CCBE1: variants seen among roughly 807,000 people sequenced by gnomAD.
The protein encoded by CCBE1 is collagen and calcium binding EGF domains 1.
CCBE1 carries 37 observed loss-of-function variants against 50.0 expected under a neutral mutation model. The observed-to-expected ratio is 0.74, with a 90% CI of 0.57 to 0.97. The LOEUF is 0.97. Among genes scored for constraint, CCBE1 ranks in the 50% least tolerant of loss-of-function variants. The pLI is 0.00. For missense variants in CCBE1, 538 were observed against 523.8 expected (o/e 1.03, Z -0.26); for synonymous variants, 234 against 203.7 (o/e 1.15, Z -1.27).
chr18:59,561,875 G>C (rs1347787085), intron 2 of CCBE1, among the ~76,000 whole-genome samples: 4 of 152,156 alleles, frequency 2.6e-5, no homozygotes, highest in Non-Finnish European at 5.9e-5. Flanking sequence ...GTAAGCTCCT[G>C]CTGAGAAAGC....
chr18:59,512,873 C>T (rs994337997), intron 2 of CCBE1, among the ~76,000 whole-genome samples: 1 of 152,220 alleles, frequency 6.6e-6, no homozygotes, highest in Non-Finnish European at 1.5e-5. Context: ...TTACCTCCCA[C>T]TCAGAGCCCA....
At chr18:59,522,766 T>G (rs8097833) in intron 2 of CCBE1, among the ~76,000 whole-genome samples, 44,366 of 151,576 alleles carry the variant, frequency 0.29, 8,362 homozygotes, top group African/African-American at 0.54. Context: ...GAGGCGGGCG[T>G]ATCATGAGGT....
At chr18:59,641,138 C>G (rs2053983570) in intron 2 of CCBE1, among the ~76,000 whole-genome samples, 1 of 152,160 alleles carries the variant, frequency 6.6e-6, no homozygotes, top group Admixed American at 6.5e-5. Flanking sequence ...AAAAAACATT[C>G]TACCATAAAA....
chr18:59,606,301 G>T (rs569252285), intron 2 of CCBE1, among the ~76,000 whole-genome samples: 54 of 152,296 alleles, frequency 3.5e-4, no homozygotes, highest in African/African-American at 1.3e-3. Context: ...AGGACACAGT[G>T]ACCCTTTCAG....
chr18:59,660,281 G>A (rs1025276644), intron 2 of CCBE1, among the ~76,000 whole-genome samples: 4 of 152,150 alleles, frequency 2.6e-5, no homozygotes, highest in Non-Finnish European at 5.9e-5. Context: ...ATAAAAATAA[G>A]TAAGCAAATG....
intron 2 of CCBE1, among the ~76,000 whole-genome samples, chr18:59,671,654 T>C (rs753115729): frequency 2.0e-5 from 3 of 151,638 alleles, no homozygotes; most frequent in Non-Finnish European, 4.4e-5. Flanking sequence ...CAGAGCTCAA[T>C]AGGAAGAGAT....
rs967121612 is a variant in CCBE1, at chr18:59,652,669, A to T, written c.212+43960T>A. 3.3e-5 allele frequency among the ~76,000 whole-genome samples: 5 copies of T among 152,200 alleles called. No homozygotes were observed. The East Asian group carries it at 9.6e-4, about 29-fold the overall frequency. The stretch of plus-strand genomic sequence containing the variant: ...ATGGGAAAGACATTTTTCCCAGCTA[A>T]AGAAAGGATTTTCGGCCGGGCGCAG... On this transcript the variant is annotated intron_variant, in intron 2 of 10. Coordinates refer to ENST00000439986, the MANE Select transcript of CCBE1 (RefSeq NM_133459.4).
intron 2 of CCBE1, among the ~76,000 whole-genome samples, chr18:59,632,697 C>G (rs1165163466): frequency 1.3e-5 from 2 of 152,078 alleles, no homozygotes; most frequent in African/African-American, 4.8e-5. Context: ...TCAAGCTAGT[C>G]TCCTGCCTCG....
At chr18:59,471,773 G>A (rs1912047246) in intron 3 of CCBE1, among the ~76,000 whole-genome samples, 1 of 152,238 alleles carries the variant, frequency 6.6e-6, no homozygotes, top group Non-Finnish European at 1.5e-5. Context: ...AGGGAGGCTG[G>A]AAGAGGAAGA....
intron 2 of CCBE1, among the ~76,000 whole-genome samples, chr18:59,501,526 G>A (rs1053124015): frequency 3.3e-5 from 5 of 151,992 alleles, no homozygotes; most frequent in Non-Finnish European, 7.4e-5. Context: ...ACTAAGTGTC[G>A]ACACTCCTCC....
intron 2 of CCBE1, among the ~76,000 whole-genome samples, chr18:59,647,110 A>T (rs952500798): frequency 6.6e-6 from 1 of 152,356 alleles, no homozygotes; most frequent in East Asian, 1.9e-4. Context: ...AGAAAATCTT[A>T]GTAATAGTTT....
intron 7 of CCBE1, among the ~76,000 whole-genome samples, chr18:59,442,832 A>G (rs530502478): frequency 9.9e-4 from 151 of 152,284 alleles, no homozygotes; most frequent in African/African-American, 3.4e-3. Context: ...CAATTCCATC[A>G]TCAGCACAAC....
chr18:59,638,184 AGAT>A lies in CCBE1; in HGVS notation c.212+58442_212+58444del, dbSNP rs2053940085. On this transcript the variant is annotated intron_variant, in intron 2 of 10. Transcript: ENST00000439986. ...AATCATGTTATCTCAAAACATGAAAAGATGATCAATAAAATTTGACAGTGATTT... is the reference window on the plus strand; with the variant it reads ...AATCATGTTATCTCAAAACATGAAAAGATCAATAAAATTTGACAGTGATTT... 2.6e-5 allele frequency among the ~76,000 whole-genome samples: 4 copies of A among 152,372 alleles called. No individual in the cohort carries two copies. In the South Asian group the frequency reaches 8.3e-4, roughly 32 times the overall value.
intron 6 of CCBE1, among the ~76,000 whole-genome samples, chr18:59,448,516 G>A (rs1263994870): frequency 6.6e-6 from 1 of 152,116 alleles, no homozygotes; most frequent in Non-Finnish European, 1.5e-5. Context: ...CATGGTTCCT[G>A]CCCTTAAAGA....
At chr18:59,475,205 C>A (rs1912249090) in intron 3 of CCBE1, among the ~76,000 whole-genome samples, 2 of 152,190 alleles carry the variant, frequency 1.3e-5, no homozygotes, top group Admixed American at 1.3e-4. Flanking sequence ...CCTTCAGAAA[C>A]TCCCTTGTAA....
At position 59,644,515 on chromosome 18, in the gene CCBE1, A is replaced by T. The variant is rs1451862132; in HGVS notation, c.212+52114T>A. Among the ~76,000 whole-genome samples the T allele has an allele frequency of 2.0e-5, 3 of 152,194 alleles. 1 individual carries two copies. Among genetic ancestry groups the T allele is most frequent in the East Asian group, 3.8e-4 (2 of 5,202 alleles). On this transcript the variant is annotated intron_variant, in intron 2 of 10. Coordinates refer to ENST00000439986, the MANE Select transcript of CCBE1 (RefSeq NM_133459.4). ...AAACAGCTGCACACTGCAAAATGACAATTTTTTCCAGTCACACTTACCATT... is the reference window on the plus strand; with the variant it reads ...AAACAGCTGCACACTGCAAAATGACTATTTTTTCCAGTCACACTTACCATT...
At chr18:59,598,757 G>A (rs1249330956) in intron 2 of CCBE1, among the ~76,000 whole-genome samples, 3 of 152,166 alleles carry the variant, frequency 2.0e-5, no homozygotes, top group Admixed American at 2.0e-4. Flanking sequence ...TCTCAGATGG[G>A]CATATGTCCC....
intron 2 of CCBE1, among the ~76,000 whole-genome samples, chr18:59,579,035 T>C (rs2564487): frequency 1 from 152,020 of 152,318 alleles, 75,862 homozygotes; most frequent in Middle Eastern, 1. Context: ...GTCAAATTAC[T>C]GGCTTAAAGA....
intron 2 of CCBE1, among the ~76,000 whole-genome samples, chr18:59,521,272 C>T (rs111589362): frequency 6.6e-6 from 1 of 152,208 alleles, no homozygotes; most frequent in Non-Finnish European, 1.5e-5. Flanking sequence ...GGAGATTTAT[C>T]ACAACAGATT....
Sources: allele counts gnomAD v4.1 joint callset (sites outside exome capture counted in the v4.1 genomes callset), GRCh38; gene constraint gnomAD v4.1.1; transcripts MANE v1.5; gene names NCBI Gene and HGNC (gene_info 2026-07-23, HGNC 2026-07-21).